The following STIMATE variants were observed in gnomAD, a reference collection of about 807,000 sequenced individuals.
STIMATE encodes store-operated calcium entry regulator STIMATE.
Under a neutral mutation model 36.7 loss-of-function variants are expected in STIMATE, and 15 were observed. The observed-to-expected ratio is 0.41, with a 90% CI of 0.27 to 0.63. STIMATE has a LOEUF of 0.63. Ranked by LOEUF, STIMATE falls within the 20% of genes least tolerant of loss-of-function variation. The probability of loss-of-function intolerance (pLI) is 0.32; values close to 1 mark genes in which losing one functional copy is unlikely to be tolerated. For synonymous variants in STIMATE, 163 were observed against 162.3 expected (o/e 1.00, Z -0.03); for missense variants, 305 against 397.3 (o/e 0.77, Z 1.98).
chr3:52,897,234 G>T, intron 1 of STIMATE, 57 bp downstream of exon 1: 1 of 1,516,730 alleles, frequency 6.6e-7, no homozygotes. Flanking sequence ...CCCCCAGGGG[G>T]GCCGGGCCGC....
At chr3:52,853,418 G>A (rs1215842329) in intron 2 of STIMATE, among the ~76,000 whole-genome samples, 1 of 152,226 alleles carries the variant, frequency 6.6e-6, no homozygotes, top group Non-Finnish European at 1.5e-5. Flanking sequence ...GACAGCGTGT[G>A]CCTTCAGTAT....
chr3:52,883,418 G>T (rs1243397009), intron 1 of STIMATE, among the ~76,000 whole-genome samples: 2 of 152,156 alleles, frequency 1.3e-5, no homozygotes, highest in African/African-American at 4.8e-5. Context: ...ATATGGATTA[G>T]TGTGATTTTC....
intron 2 of STIMATE, among the ~76,000 whole-genome samples, chr3:52,854,321 G>A (rs1701055623): frequency 6.6e-6 from 1 of 152,168 alleles, no homozygotes; most frequent in South Asian, 2.1e-4. Context: ...TCACCAAAAG[G>A]ACCAAGTCAT....
intron 7 of STIMATE, 30 bp from the exon 8 acceptor site, chr3:52,840,640 C>A (rs764983280): frequency 5.6e-6 from 9 of 1,600,790 alleles, no homozygotes; most frequent in South Asian, 2.2e-5. Context: ...GGGCCTGAGT[C>A]ACCCCCAGCA....
At chr3:52,849,176 C>T (rs577294665) in intron 4 of STIMATE, among the ~76,000 whole-genome samples, 1 of 152,320 alleles carries the variant, frequency 6.6e-6, no homozygotes, top group East Asian at 1.9e-4. Context: ...ACTGATCCAC[C>T]TGGAAGAGGA....
chr3:52,838,748 G>A lies in STIMATE; in HGVS notation c.*1746C>T, dbSNP rs1285289327. 6.6e-6 allele frequency: 1 copy of A among 152,256 alleles called. No homozygotes were observed. Among genetic ancestry groups the A allele is most frequent in the Non-Finnish European group, 1.5e-5 (1 of 68,070 alleles). The allele number at this position is 152,256 out of a possible 1,614,324, so 9.4% of individuals were successfully genotyped here. ...TCGCCTTCAAGTCCAGGACAGGTAG[G>A]GCTCTGAGAGGCAGAGGGCAGTCCC... On this transcript the variant is annotated 3_prime_UTR_variant, in exon 8 of 8. Transcript: ENST00000355083.
At position 52,851,044 on chromosome 3, in the gene STIMATE, G is replaced by A. The variant is rs149003655; in HGVS notation, c.306-1131C>T. ...GTGCCCGGCCTACACTTTAAAGAGC[G>A]AGCTTTACTCCCCATGGGAAAAGGC... On this transcript the variant is annotated intron_variant, in intron 3 of 7. Coordinates refer to ENST00000355083, the MANE Select transcript of STIMATE (RefSeq NM_198563.5). 6.6e-5 allele frequency among the ~76,000 whole-genome samples: 10 copies of A among 152,292 alleles called. 1 individual carries two copies. The East Asian group carries it at 1.7e-3, about 26-fold the overall frequency.
intron 4 of STIMATE, 26 bp downstream of exon 4, chr3:52,849,766 C>T (rs1700966282): frequency 1.2e-6 from 2 of 1,605,634 alleles, no homozygotes; most frequent in Non-Finnish European, 1.7e-6. Flanking sequence ...TCCCTCACGC[C>T]CTGTCCGGCA....
At chr3:52,882,344 C>T (rs1046063109) in intron 1 of STIMATE, among the ~76,000 whole-genome samples, 1 of 152,200 alleles carries the variant, frequency 6.6e-6, no homozygotes. Flanking sequence ...CTAGCACATT[C>T]TACTGGTCTC....
At chr3:52,857,924 T>C (rs1385196232) in intron 1 of STIMATE, among the ~76,000 whole-genome samples, 1 of 151,964 alleles carries the variant, frequency 6.6e-6, no homozygotes, top group African/African-American at 2.4e-5. Context: ...TAATGAGAGC[T>C]TTTTGGCGGG....
chr3:52,892,684 A>T (rs1701801460), intron 1 of STIMATE, among the ~76,000 whole-genome samples: 1 of 152,220 alleles, frequency 6.6e-6, no homozygotes, highest in Non-Finnish European at 1.5e-5. Flanking sequence ...CATGATCTCA[A>T]AGTATTATCA....
At chr3:52,890,664 A>G (rs1701768599) in intron 1 of STIMATE, among the ~76,000 whole-genome samples, 1 of 152,262 alleles carries the variant, frequency 6.6e-6, no homozygotes, top group African/African-American at 2.4e-5. Context: ...AAAGAGACTC[A>G]CCAACTGCTT....
At chr3:52,868,176 C>T (rs1413648830) in intron 1 of STIMATE, among the ~76,000 whole-genome samples, 2 of 152,212 alleles carry the variant, frequency 1.3e-5, no homozygotes, top group African/African-American at 4.8e-5. Context: ...CCCAGAGACG[C>T]CCAGGGAAAA....
In STIMATE at chr3:52,843,808, G is replaced by A. The variant is rs757747367; in HGVS notation, c.541-10C>T. Reference sequence around the variant, plus strand: ...GATTCAACAGGGCCACCTGTAAAGAGAAGCAGACTCAGTGAGGTAGGGAGA... The same window carrying A: ...GATTCAACAGGGCCACCTGTAAAGAAAAGCAGACTCAGTGAGGTAGGGAGA... On this transcript the variant is annotated splice_polypyrimidine_tract_variant and intron_variant, in intron 5 of 7. Transcript: ENST00000355083. 21 of 1,547,390 alleles carry A rather than the reference G, an allele frequency of 1.4e-5. No individual in the cohort carries two copies. The Admixed American group carries it at 2.4e-4, about 18-fold the overall frequency.
chr3:52,895,777 G>C (rs930881636), intron 1 of STIMATE: 12 of 793,812 alleles, frequency 1.5e-5, no homozygotes, highest in Non-Finnish European at 2.0e-5. Flanking sequence ...AGAAACCTCA[G>C]GTTAGGGAGC....
Position 52,859,942 on chromosome 3 carries a change from A to C in STIMATE, c.161-4498T>G, listed in dbSNP as rs529879617. ...GCCACATATAGGAGCACCTTTGATCAAGTTCAGAATGGAATCAAATTCTTC... is the reference window on the plus strand; with the variant it reads ...GCCACATATAGGAGCACCTTTGATCCAGTTCAGAATGGAATCAAATTCTTC... On this transcript the variant is annotated intron_variant, in intron 1 of 7. Coordinates refer to ENST00000355083, the MANE Select transcript of STIMATE (RefSeq NM_198563.5). Among the ~76,000 whole-genome samples, 4 of 152,096 alleles carry C rather than the reference A, an allele frequency of 2.6e-5. No individual in the cohort carries two copies. The East Asian group carries it at 7.7e-4, about 29-fold the overall frequency.
chr3:52,843,696 G>A, intron 6 of STIMATE, 25 bp downstream of exon 6: 1 of 1,614,102 alleles, frequency 6.2e-7, no homozygotes, highest in Admixed American at 1.7e-5. Flanking sequence ...AGCAAATCGG[G>A]ATAAAAATGC....
intron 1 of STIMATE, among the ~76,000 whole-genome samples, chr3:52,869,415 A>C (rs1373996936): frequency 6.6e-6 from 1 of 152,216 alleles, no homozygotes; most frequent in Non-Finnish European, 1.5e-5. Flanking sequence ...GCTGTCACTC[A>C]TACTGTCCCC....
intron 1 of STIMATE, among the ~76,000 whole-genome samples, chr3:52,865,101 CA>C (rs1382775502): frequency 1.3e-5 from 2 of 152,182 alleles, no homozygotes; most frequent in Admixed American, 1.3e-4. Context: ...CGCCTGCCAC[CA>C]TGCCCAGCTA....
Sources: allele counts gnomAD v4.1 joint callset (sites outside exome capture counted in the v4.1 genomes callset), GRCh38; gene constraint gnomAD v4.1.1; transcripts MANE v1.5; gene names NCBI Gene and HGNC (gene_info 2026-07-23, HGNC 2026-07-21).